The following WDR44 variants were observed in gnomAD, a reference collection of about 807,000 sequenced individuals.
WDR44 encodes WD repeat-containing protein 44.
A neutral mutation model predicts 65.7 loss-of-function variants in WDR44; 9 were observed. That is an observed-to-expected ratio of 0.14 (90% CI 0.08 to 0.24). WDR44 has a LOEUF of 0.24. WDR44 is among the 10% of genes least tolerant of loss of function. The pLI, the probability that WDR44 is intolerant of heterozygous loss-of-function variation, is 1.00. For missense variants in WDR44, 425 were observed against 670.9 expected, an observed-to-expected ratio of 0.63 and a Z score of 4.05; for synonymous variants, 220 against 235.2, an observed-to-expected ratio of 0.94 and a Z score of 0.59.
intron 11 of WDR44, among the ~76,000 whole-genome samples, chrX:118,410,656 G>A (rs142087331): frequency 3.0e-3 from 335 of 111,717 alleles, no homozygotes; most frequent in Non-Finnish European, 5.3e-3. Flanking sequence ...AGGATTTAAC[G>A]GTATTTTGTT....
At chrX:118,390,244 C>T (rs1053375239) in intron 3 of WDR44, among the ~76,000 whole-genome samples, 1 of 110,501 alleles carries the variant, frequency 9.0e-6, no homozygotes, top group Non-Finnish European at 1.9e-5. Context: ...TTGCAGCAAA[C>T]AATGCTTTAG....
chrX:118,419,014 G>A (rs988735143), intron 12 of WDR44, among the ~76,000 whole-genome samples: 5 of 111,043 alleles, frequency 4.5e-5, no homozygotes, highest in African/African-American at 1.6e-4. Context: ...AAACGGAAGG[G>A]CCAGTCTCAC....
chrX:118,400,137 CA>C (rs1411542159), intron 8 of WDR44, among the ~76,000 whole-genome samples: 1 of 110,337 alleles, frequency 9.1e-6, no homozygotes, highest in Non-Finnish European at 1.9e-5. Flanking sequence ...CATTGTACCA[CA>C]GTGCTTTTCA....
intron 19 of WDR44, among the ~76,000 whole-genome samples, chrX:118,445,524 A>C (rs779731797): frequency 2.7e-5 from 3 of 112,225 alleles, no homozygotes; most frequent in Non-Finnish European, 5.6e-5. Context: ...GTGCTGACTA[A>C]ATGAATTAAA....
intron 1 of WDR44, among the ~76,000 whole-genome samples, chrX:118,358,539 CA>C (rs1404226728): frequency 1.8e-5 from 2 of 111,078 alleles, no homozygotes; most frequent in Non-Finnish European, 3.8e-5. Context: ...CTCATCTCTA[CA>C]AAAAGTTTTT....
At chrX:118,374,424 C>G (rs1275735225) in intron 1 of WDR44, among the ~76,000 whole-genome samples, 2 of 111,162 alleles carry the variant, frequency 1.8e-5, no homozygotes, top group Non-Finnish European at 3.8e-5. Context: ...TACAGATTAC[C>G]CTGTTAAAGA....
intron 1 of WDR44, 97 bp downstream of exon 1, chrX:118,346,677 G>T: frequency 1.5e-6 from 1 of 673,878 alleles, no homozygotes; most frequent in South Asian, 3.1e-5. Flanking sequence ...CGCTGTGTCC[G>T]CCACCGCTGT....
At chrX:118,368,459 CTATATATA>C (rs757542334) in intron 1 of WDR44, among the ~76,000 whole-genome samples, 7 of 72,921 alleles carry the variant, frequency 9.6e-5, no homozygotes, top group Non-Finnish European at 1.6e-4. Flanking sequence ...GAAATAGTGA[CTATATATA>C]TATATATATA....
intron 2 of WDR44, 55 bp downstream of exon 2, chrX:118,378,507 T>A: frequency 9.0e-7 from 1 of 1,106,760 alleles, no homozygotes; most frequent in Non-Finnish European, 1.2e-6. Flanking sequence ...TTTTTATTCG[T>A]GTTTTTGTGT....
At position 118,409,570 on chromosome X, in the gene WDR44, G is replaced by T. The variant is rs2056995704; in HGVS notation, c.1615G>T (p.Ala539Ser). ...ACAAGACAATGTAGTGAGAATATGG[G>T]CTTTAAAAAATGCTTTTGACTATTT... ...AGQDNVVRIW[A>S]LKNAFDYFNN... is the part of the protein sequence containing the mutation. The change falls in exon 11 of 20, where the codon GCT (alanine) becomes TCT (serine). Residue 539 changes from alanine to serine, a missense_variant. Ala to Ser is a moderately conservative substitution (Grantham distance 99). Around this residue, in one of 5 missense-constraint regions of WDR44, gnomAD observed 45 missense variants for 50.0 expected, o/e 0.90. Transcript: ENST00000254029. The T allele has an allele frequency of 9.9e-6, 12 of 1,206,900 alleles. No individual in the cohort carries two copies. The East Asian group carries it at 3.6e-4, about 36-fold the overall frequency.
chrX:118,403,417 T>G (rs2056936897), intron 8 of WDR44, among the ~76,000 whole-genome samples: 1 of 111,783 alleles, frequency 8.9e-6, no homozygotes, highest in South Asian at 3.7e-4. Flanking sequence ...CTATAAGAGC[T>G]TGGCACATTT....
chrX:118,444,611 T>G (rs781028905), intron 19 of WDR44, 117 bp downstream of exon 19: 1 of 871,056 alleles, frequency 1.1e-6, no homozygotes, highest in African/African-American at 2.0e-5. Context: ...TTCTTTTTTC[T>G]TAAGACAGGG....
chrX:118,396,912 A>G (rs1315863717), intron 6 of WDR44, 58 bp from the exon 7 acceptor site: 4 of 1,112,310 alleles, frequency 3.6e-6, no homozygotes, highest in African/African-American at 3.8e-5. Context: ...TGTAGACTCA[A>G]AAAGATAATT....
intron 14 of WDR44, among the ~76,000 whole-genome samples, chrX:118,437,513 CG>C (rs1693142077): frequency 8.9e-6 from 1 of 111,748 alleles, no homozygotes; most frequent in Non-Finnish European, 1.9e-5. Context: ...GCAGAGGACT[CG>C]AGCTGACCCT....
intron 17 of WDR44, among the ~76,000 whole-genome samples, chrX:118,443,173 C>T (rs1223849846): frequency 8.9e-6 from 1 of 112,041 alleles, no homozygotes; most frequent in Non-Finnish European, 1.9e-5. Context: ...GGACACTCTC[C>T]TGAAATAGGG....
At chrX:118,415,646 G>A (rs2057051202) in intron 12 of WDR44, among the ~76,000 whole-genome samples, 1 of 110,880 alleles carries the variant, frequency 9.0e-6, no homozygotes, top group Admixed American at 9.7e-5. Context: ...TGGGATTACA[G>A]GCACACACCA....
intron 1 of WDR44, among the ~76,000 whole-genome samples, chrX:118,355,792 G>A (rs759080311): frequency 9.0e-6 from 1 of 111,153 alleles, no homozygotes; most frequent in African/African-American, 3.3e-5. Context: ...GAACTTCCTG[G>A]TTCTCTCCAA....
At position 118,346,234 on chromosome X, in the gene WDR44, T is replaced by C. The variant is rs2056347937; in HGVS notation, c.-270T>C. On this transcript the variant is annotated 5_prime_UTR_variant, in exon 1 of 20. Coordinates refer to ENST00000254029, the MANE Select transcript of WDR44 (RefSeq NM_019045.5). ...GCCACCGCCTCTTTCGCGCTCCTTA[T>C]ACACCTATCACTGGGAGCGGTGGCA... 1 of 387,057 alleles carries C rather than the reference T, an allele frequency of 2.6e-6. No individual in the cohort carries two copies. The highest frequency in any genetic ancestry group is 2.7e-5 in the African/African-American group (1 of 37,690). 31.9% of individuals were successfully genotyped at this position (387,057 alleles called of 1,213,427 possible). A position where few individuals can be genotyped will look rare whatever the true frequency, so the allele number is the denominator to read the frequency against.
intron 13 of WDR44, 106 bp from the exon 14 acceptor site, chrX:118,436,596 C>T: frequency 1.1e-6 from 1 of 879,145 alleles, no homozygotes; most frequent in South Asian, 2.2e-5. Flanking sequence ...CTGCATTTAA[C>T]AATAACAAAA....
Sources: gnomAD v4.1 joint callset for allele counts (sites outside exome capture counted in the v4.1 genomes callset) on GRCh38, gnomAD v4.1.1 for gene constraint, gnomAD v4.1.1 regional missense constraint, MANE v1.5 for transcripts, NCBI Gene and HGNC (gene_info 2026-07-23, HGNC 2026-07-21) for gene names.